The following PCDHGA3 variants were observed in gnomAD, a reference collection of about 807,000 sequenced individuals.
PCDHGA3 encodes protocadherin gamma-A3.
In PCDHGA3, 40 loss-of-function variants were observed where a neutral mutation model predicts 58.5. That is an observed-to-expected ratio of 0.68 (90% CI 0.53 to 0.89). The LOEUF is 0.89. Ranked by LOEUF, PCDHGA3 falls within the 40% of genes least tolerant of loss-of-function variation. The pLI is 0.00. For missense variants in PCDHGA3, 1,223 were observed against 1,195.9 expected, an observed-to-expected ratio of 1.02 and a Z score of -0.33; for synonymous variants, 530 against 525.7, an observed-to-expected ratio of 1.01 and a Z score of -0.11.
chr5:141,468,790 C>T (rs1215557602), intron 1 of PCDHGA3, among the ~76,000 whole-genome samples: 10 of 151,564 alleles, frequency 6.6e-5, no homozygotes, highest in African/African-American at 2.2e-4. Context: ...GGCGTGAACC[C>T]GGGAGGCGGA....
intron 1 of PCDHGA3, chr5:141,376,904 G>A (rs1773512555): frequency 5.3e-6 from 1 of 188,504 alleles, no homozygotes; most frequent in African/African-American, 2.4e-5. Context: ...AGCCAGGATG[G>A]TCTCGATCTC....
Position 141,432,169 on chromosome 5 carries a change from C to T in PCDHGA3, c.2425-62638C>T. On this transcript the variant is annotated intron_variant, in intron 1 of 3. Transcript: ENST00000253812. The surrounding 1 kb of genome is among the most constrained non-coding windows in gnomAD (Gnocchi z 6.0). ...CAGAGAACAATCCCAGAGGAGTTTCCCTCGTCTCTGTGACCGCCCACGACC... is the reference window on the plus strand; with the variant it reads ...CAGAGAACAATCCCAGAGGAGTTTCTCTCGTCTCTGTGACCGCCCACGACC... The T allele has an allele frequency of 6.2e-7, 1 of 1,614,204 alleles. No homozygotes were observed. The highest frequency in any genetic ancestry group is 1.6e-4 in the Middle Eastern group (1 of 6,062).
At chr5:141,424,198 C>A (rs116187844) in intron 1 of PCDHGA3, 2 of 181,904 alleles carry the variant, frequency 1.1e-5, no homozygotes, top group South Asian at 1.9e-4. Context: ...CACTTATACA[C>A]GTAAGCTTTT....
Position 141,371,577 on chromosome 5 carries a change from G to A in PCDHGA3, c.2424+25120G>A, listed in dbSNP as rs202142331. The A allele has an allele frequency of 9.5e-4, 1,537 of 1,613,860 alleles. 3 individuals carry two copies. The highest frequency in any genetic ancestry group is 1.3e-3 in the Middle Eastern group (8 of 6,062). On this transcript the variant is annotated intron_variant, in intron 1 of 3. Transcript: ENST00000253812. The stretch of plus-strand genomic sequence containing the variant: ...AAAAGGAAACTTCCCCTTTAAAATC[G>A]TTCAAGATACCAAAAACACATACAG...
intron 1 of PCDHGA3, among the ~76,000 whole-genome samples, chr5:141,450,829 A>ATTATTT (rs1554136902): frequency 7.4e-6 from 1 of 135,144 alleles, no homozygotes; most frequent in Admixed American, 7.6e-5. Context: ...TATTATTATT[A>ATTATTT]TTTTTTTTTT....
At position 141,355,200 on chromosome 5, in the gene PCDHGA3, A is replaced by G. The variant is rs1351394647; in HGVS notation, c.2424+8743A>G. ...ACAGGCGACTCCGCGGCGGGGTTGT[A>G]ATGGCGGCGCCTCCTGCTCGCCCAG... On this transcript the variant is annotated intron_variant, in intron 1 of 3. Transcript: ENST00000253812. 11 of 1,596,952 alleles carry G rather than the reference A, an allele frequency of 6.9e-6. No homozygotes were observed. The East Asian group carries it at 2.2e-4, about 32-fold the overall frequency.
At position 141,478,749 on chromosome 5, in the gene PCDHGA3, G is replaced by A. The variant is rs1306895064; in HGVS notation, c.2425-16058G>A. On this transcript the variant is annotated intron_variant, in intron 1 of 3. Coordinates refer to ENST00000253812, the MANE Select transcript of PCDHGA3 (RefSeq NM_018916.4). ...GAGTGTGGTTTGTGGTCCCATTTCA[G>A]GGGGAAGATACTTGACTCATCTGTG... The A allele has an allele frequency of 3.3e-6, 5 of 1,524,326 alleles. No homozygotes were observed. The South Asian group carries it at 6.4e-5, about 19-fold the overall frequency. The allele number at this position is 1,524,326 out of a possible 1,614,324, so 94.4% of individuals were successfully genotyped here.
chr5:141,457,429 C>G (rs73280316), intron 1 of PCDHGA3, among the ~76,000 whole-genome samples: 1,780 of 152,292 alleles, frequency 0.012, 30 homozygotes, highest in African/African-American at 0.04. Context: ...TTTTCCCCCC[C>G]ACCAAGCTGC....
At chr5:141,410,849 C>CTTTTTTTTTTTTTTTTTTTCTT (rs2095436178) in intron 1 of PCDHGA3, 1 of 129,786 alleles carries the variant, frequency 7.7e-6, no homozygotes, top group Non-Finnish European at 1.3e-5. Context: ...TTGTCTTTGT[C>CTTTTTTTTTTTTTTTTTTTCTT]TTTTTTTTTT....
chr5:141,403,343 C>T (rs774711306), intron 1 of PCDHGA3: 10 of 1,614,000 alleles, frequency 6.2e-6, no homozygotes, highest in Admixed American at 1.7e-5. Context: ...CGACAGCGCC[C>T]CAAAGTTCCA....
In PCDHGA3 at chr5:141,344,773, A is replaced by G. The variant is rs773279498; in HGVS notation, c.740A>G (p.Tyr247Cys). The G allele has an allele frequency of 9.3e-6, 15 of 1,613,904 alleles. No individual in the cohort carries two copies. Among genetic ancestry groups the G allele is most frequent in the Non-Finnish European group, 1.3e-5 (15 of 1,179,906 alleles). ...DNPPMFTQPE[Y>C]RVSVWENVPV... Reference sequence around the variant, plus strand: ...CCACCAATGTTTACTCAGCCTGAGTACCGTGTGAGTGTTTGGGAGAACGTG... The same window carrying G: ...CCACCAATGTTTACTCAGCCTGAGTGCCGTGTGAGTGTTTGGGAGAACGTG... Residue 247 changes from tyrosine (Y) to cysteine (C), a missense_variant, in exon 1 of 4, where the codon TAC becomes TGC. Tyr to Cys is a radical substitution (Grantham distance 194, BLOSUM62 -2). Transcript: ENST00000253812.
Position 141,477,447 on chromosome 5 carries a change from G to T in PCDHGA3, c.2425-17360G>T, listed in dbSNP as rs779097830. The T allele has an allele frequency of 6.2e-7, 1 of 1,614,098 alleles. No homozygotes were observed. Among genetic ancestry groups the T allele is most frequent in the Non-Finnish European group, 8.5e-7 (1 of 1,180,016 alleles). ...TCCCTCTCAGCCCTTACAATAGTGCGTGTTCAAGTGTCCGACATCAATGAC... is the reference window on the plus strand; with the variant it reads ...TCCCTCTCAGCCCTTACAATAGTGCTTGTTCAAGTGTCCGACATCAATGAC... On this transcript the variant is annotated intron_variant, in intron 1 of 3. Coordinates refer to ENST00000253812, the MANE Select transcript of PCDHGA3 (RefSeq NM_018916.4). This position sits in a 1 kb window ranked among gnomAD's most constrained non-coding sequence, Gnocchi z 4.9.
intron 1 of PCDHGA3, among the ~76,000 whole-genome samples, chr5:141,434,630 A>G (rs2097706465): frequency 6.6e-6 from 1 of 152,106 alleles, no homozygotes; most frequent in African/African-American, 2.4e-5. Flanking sequence ...CGTTTCCCAT[A>G]AGGGATACTT....
Position 141,486,173 on chromosome 5 carries a change from T to C in PCDHGA3, c.2425-8634T>C. 1 of 1,614,220 alleles carries C rather than the reference T, an allele frequency of 6.2e-7. No homozygotes were observed. Among genetic ancestry groups the C allele is most frequent in the Non-Finnish European group, 8.5e-7 (1 of 1,180,042 alleles). ...GGGTTCTCCAGCCATGGAGCAACATTGCAGCCTTCGAGTGGATCTGCTGGA... is the reference window on the plus strand; with the variant it reads ...GGGTTCTCCAGCCATGGAGCAACATCGCAGCCTTCGAGTGGATCTGCTGGA... On this transcript the variant is annotated intron_variant, in intron 1 of 3. Transcript: ENST00000253812. The surrounding 1 kb of genome is among the most constrained non-coding windows in gnomAD (Gnocchi z 5.0).
intron 2 of PCDHGA3, 149 bp from the exon 3 acceptor site, chr5:141,505,244 T>C (rs886952348): frequency 7.0e-7 from 1 of 1,428,216 alleles, no homozygotes; most frequent in Non-Finnish European, 9.4e-7. Context: ...TGAAGGATTG[T>C]AGAAGTGCCT....
chr5:141,476,839 G>A lies in PCDHGA3; in HGVS notation c.2425-17968G>A, dbSNP rs372676286. The A allele has an allele frequency of 5.0e-6, 8 of 1,613,490 alleles. No homozygotes were observed. Among genetic ancestry groups the A allele is most frequent in the South Asian group, 1.1e-5 (1 of 91,088 alleles). On this transcript the variant is annotated intron_variant, in intron 1 of 3. Transcript: ENST00000253812. The surrounding 1 kb of genome is among the most constrained non-coding windows in gnomAD (Gnocchi z 7.6). ...AGGTGCTGGACGCGAATGACAATGC[G>A]CCTGTCTTCAACCAGTCCTTGTACC...
intron 1 of PCDHGA3, chr5:141,412,841 G>A (rs1285924844): frequency 4.9e-6 from 1 of 206,050 alleles, no homozygotes; most frequent in Non-Finnish European, 9.6e-6. Flanking sequence ...AAAGATAGGA[G>A]TGGAGAAACC....
intron 1 of PCDHGA3, among the ~76,000 whole-genome samples, chr5:141,456,808 C>CA (rs1316636483): frequency 6.6e-5 from 10 of 151,878 alleles, no homozygotes; most frequent in Admixed American, 6.6e-4. Flanking sequence ...ACTAAAAATA[C>CA]AAAAAATTAG....
In PCDHGA3 at chr5:141,485,179, C is replaced by G. The variant is rs1405000217; in HGVS notation, c.2425-9628C>G. The G allele has an allele frequency of 1.2e-6, 2 of 1,612,648 alleles. No homozygotes were observed. Among genetic ancestry groups the G allele is most frequent in the African/African-American group, 2.7e-5 (2 of 74,924 alleles). ...AGAATTAGCGGGCGGCAGCAATGCT[C>G]CGCAAGGTGAGAAGCTGGACAGAAA... is the stretch of plus-strand genomic sequence containing the variant. On this transcript the variant is annotated intron_variant, in intron 1 of 3. Transcript: ENST00000253812. This position sits in a 1 kb window ranked among gnomAD's most constrained non-coding sequence, Gnocchi z 5.7.
Sources: gnomAD v4.1 joint callset for allele counts (sites outside exome capture counted in the v4.1 genomes callset) on GRCh38, gnomAD v4.1.1 for gene constraint, Gnocchi (gnomAD v3.1) non-coding constraint, MANE v1.5 for transcripts, NCBI Gene and HGNC (gene_info 2026-07-23, HGNC 2026-07-21) for gene names.